HADH: variants seen among roughly 807,000 people sequenced by gnomAD.
HADH encodes the protein hydroxyacyl-CoA dehydrogenase.
In HADH, 24 loss-of-function variants were observed where a neutral mutation model predicts 32.2. The observed-to-expected ratio is 0.75, with a 90% CI of 0.54 to 1.05. The LOEUF (loss-of-function observed/expected upper bound fraction) is 1.05. Among genes scored for constraint, HADH ranks in the 50% least tolerant of loss-of-function variants. The pLI is 0.00. For missense variants in HADH, 350 were observed against 397.1 expected (o/e 0.88, Z 1.01); for synonymous variants, 139 against 152.5 (o/e 0.91, Z 0.65).
rs911286846 is a variant in HADH at position 108,027,429 on chromosome 4, A to C, written c.637-259A>C. ...CCAAAGCCATGCTCTTCCAGGTCAC[A>C]CCTGTGCCTTGATCTGTCTTTATGT... On this transcript the variant is annotated intron_variant, in intron 5 of 7. Coordinates refer to ENST00000309522, the MANE Select transcript of HADH (RefSeq NM_005327.7). 7.4e-6 allele frequency: 4 copies of C among 540,942 alleles called. No homozygotes were observed. In the Admixed American group the frequency reaches 1.2e-4, roughly 16 times the overall value. The allele number at this position is 540,942 out of a possible 1,614,324, so 33.5% of individuals were successfully genotyped here. A position where few individuals can be genotyped will look rare whatever the true frequency, so the allele number is the denominator to read the frequency against.
At chr4:108,024,495 G>T (rs777777100) in intron 5 of HADH, 7 of 152,174 alleles carry the variant, frequency 4.6e-5, no homozygotes, top group Middle Eastern at 3.2e-3. Context: ...ATCACCTGAA[G>T]AAGCCATCTG....
rs1344253977 is a variant in HADH at position 108,021,753 on chromosome 4, T to G, written c.547-1721T>G. 2.0e-5 allele frequency among the ~76,000 whole-genome samples: 3 copies of G among 152,200 alleles called. No homozygotes were observed. In the South Asian group the frequency reaches 6.2e-4, roughly 31 times the overall value. ...CTCAGTCTGTGGTTTTGATGGAGAC[T>G]TTTTAGACCTCCTTTCAAACAGCTC... On this transcript the variant is annotated intron_variant, in intron 4 of 7. Transcript: ENST00000309522.
At chr4:108,014,681 C>G in intron 3 of HADH, 93 bp downstream of exon 3, 1 of 1,172,448 alleles carries the variant, frequency 8.5e-7, no homozygotes, top group Non-Finnish European at 1.2e-6. Context: ...TTTGTGAGTA[C>G]AAGTGCAGTT....
rs144504263 is a variant in HADH at position 108,008,408 on chromosome 4, C to G, written c.133-1351C>G. ...CACTGTGTGCTGCTTTCTCAGGGAG[C>G]CATGAGTGCAGTTGAAATAACCTTG... On this transcript the variant is annotated intron_variant, in intron 1 of 7. Transcript: ENST00000309522. Among the ~76,000 whole-genome samples, 1,274 of 152,276 alleles carry G rather than the reference C, an allele frequency of 8.4e-3. 7 individuals carry two copies. Among genetic ancestry groups the G allele is most frequent in the Middle Eastern group, 0.024 (7 of 294 alleles).
chr4:107,993,110 C>T (rs780718674), intron 1 of HADH, among the ~76,000 whole-genome samples: 2 of 152,196 alleles, frequency 1.3e-5, no homozygotes, highest in Non-Finnish European at 2.9e-5. Flanking sequence ...AGCGAGACTC[C>T]GTCTCAAAAA....
At chr4:108,000,815 C>T (rs533812061) in intron 1 of HADH, among the ~76,000 whole-genome samples, 5 of 152,260 alleles carry the variant, frequency 3.3e-5, no homozygotes, top group African/African-American at 7.2e-5. Flanking sequence ...AGGAGGGAGA[C>T]GTGTGGTGTG....
chr4:108,014,437 G>A lies in HADH; in HGVS notation c.268G>A (p.Asp90Asn), dbSNP rs762881778. 5.6e-6 allele frequency: 9 copies of A among 1,613,988 alleles called. No homozygotes were observed. Among genetic ancestry groups the A allele is most frequent in the South Asian group, 2.2e-5 (2 of 91,074 alleles). The change falls in exon 3 of 8, where the codon GAT becomes AAT. Residue 90 changes from aspartate to asparagine, a missense_variant. Transcript: ENST00000309522. ...CTTCCTCCCACTGCATTAGGCCGGC[G>A]ATGAATTTGTGGAGAAGACCCTGAG... ...KKFAENLKAG[D>N]EFVEKTLSTI...
At chr4:108,015,973 C>T (rs1480411314) in intron 3 of HADH, among the ~76,000 whole-genome samples, 1 of 152,024 alleles carries the variant, frequency 6.6e-6, no homozygotes, top group African/African-American at 2.4e-5. Flanking sequence ...TTGGATGGAG[C>T]AAACAGAATG....
chr4:108,016,359 G>T (rs1735694096), intron 3 of HADH, among the ~76,000 whole-genome samples: 1 of 152,236 alleles, frequency 6.6e-6, no homozygotes, highest in Non-Finnish European at 1.5e-5. Context: ...GTGGCCTTGT[G>T]GCCAGAGAGG....
chr4:107,992,465 A>G (rs934130770), intron 1 of HADH, among the ~76,000 whole-genome samples: 11 of 152,160 alleles, frequency 7.2e-5, no homozygotes, highest in Admixed American at 3.3e-4. Context: ...TTCATTCTTT[A>G]TGCTCCTTGA....
At chr4:107,993,290 A>G (rs1734866332) in intron 1 of HADH, among the ~76,000 whole-genome samples, 1 of 152,212 alleles carries the variant, frequency 6.6e-6, no homozygotes, top group Admixed American at 6.5e-5. Flanking sequence ...TCTTGAATGC[A>G]TATACCCGCT....
chr4:108,003,446 A>G (rs1476485515), intron 1 of HADH, among the ~76,000 whole-genome samples: 1 of 152,214 alleles, frequency 6.6e-6, no homozygotes, highest in Non-Finnish European at 1.5e-5. Flanking sequence ...ACTTTTGAAG[A>G]GGACACATTC....
intron 1 of HADH, among the ~76,000 whole-genome samples, chr4:108,003,787 A>T (rs1735195922): frequency 6.7e-6 from 1 of 148,248 alleles, no homozygotes. Context: ...CCCTTGCAGA[A>T]AGAAGAAGGG....
intron 1 of HADH, chr4:108,004,343 G>A: frequency 6.9e-6 from 2 of 289,820 alleles, no homozygotes; most frequent in South Asian, 7.0e-5. Context: ...ACAAGTCTTG[G>A]GCAGAGGATC....
At chr4:108,029,127 C>T in intron 6 of HADH, 1 of 375,674 alleles carries the variant, frequency 2.7e-6, no homozygotes, top group Non-Finnish European at 4.7e-6. Context: ...TGCTTCCCTA[C>T]TGCACACTAC....
At chr4:108,027,943 T>C in intron 6 of HADH, 183 bp downstream of exon 6, 1 of 640,658 alleles carries the variant, frequency 1.6e-6, no homozygotes, top group Non-Finnish European at 2.8e-6. Context: ...TCCCAGGGCC[T>C]CCTGGCTTCC....
At chr4:108,026,874 C>A (rs1328918303) in intron 5 of HADH, 1 of 152,248 alleles carries the variant, frequency 6.6e-6, no homozygotes, top group Non-Finnish European at 1.5e-5. Flanking sequence ...CTCTACAAGT[C>A]CCCGGAAGAG....
chr4:108,022,158 C>CAT (rs571452945), intron 4 of HADH, among the ~76,000 whole-genome samples: 4 of 140,084 alleles, frequency 2.9e-5, no homozygotes, highest in African/African-American at 1.1e-4. Context: ...TTACATTTTA[C>CAT]ATATATATAT....
At chr4:108,016,343 A>AGAT in intron 3 of HADH, among the ~76,000 whole-genome samples, 1 of 152,236 alleles carries the variant, frequency 6.6e-6, no homozygotes, top group Non-Finnish European at 1.5e-5. Flanking sequence ...TAACCTTCAG[A>AGAT]GATGGGTGGC....
Sources: gnomAD v4.1 joint callset for allele counts (sites outside exome capture counted in the v4.1 genomes callset) on GRCh38, gnomAD v4.1.1 for gene constraint, MANE v1.5 for transcripts, NCBI Gene and HGNC (gene_info 2026-07-23, HGNC 2026-07-21) for gene names.